The following RSPO2 variants were observed in gnomAD, a reference collection of about 807,000 sequenced individuals.
RSPO2 encodes the protein R-spondin-2.
In RSPO2, 14 loss-of-function variants were observed where a neutral mutation model predicts 30.9. The observed-to-expected ratio is 0.45, with a 90% CI of 0.30 to 0.71. RSPO2 has a LOEUF of 0.71. RSPO2 is among the 30% of genes least tolerant of loss of function. RSPO2 has a pLI of 0.08. For synonymous variants in RSPO2, 107 were observed against 96.4 expected, an observed-to-expected ratio of 1.11 and a Z score of -0.64; for missense variants, 264 against 301.9, an observed-to-expected ratio of 0.87 and a Z score of 0.93.
At chr8:108,062,367 C>A (rs901072667) in intron 2 of RSPO2, among the ~76,000 whole-genome samples, 3 of 151,810 alleles carry the variant, frequency 2.0e-5, no homozygotes, top group Non-Finnish European at 4.4e-5. Flanking sequence ...CACCACCGAT[C>A]CCACAGAAAT....
intron 5 of RSPO2, among the ~76,000 whole-genome samples, chr8:107,934,783 T>C (rs1812661456): frequency 6.6e-6 from 1 of 152,182 alleles, no homozygotes; most frequent in African/African-American, 2.4e-5. Context: ...ATTAATACTT[T>C]TATAATTTCT....
At chr8:108,057,422 T>A (rs552486579) in intron 2 of RSPO2, among the ~76,000 whole-genome samples, 3 of 152,190 alleles carry the variant, frequency 2.0e-5, no homozygotes, top group Admixed American at 6.5e-5. Context: ...CAACAATGAA[T>A]AGATTTTGGG....
intron 2 of RSPO2, among the ~76,000 whole-genome samples, chr8:108,058,100 T>C (rs1250280070): frequency 3.6e-4 from 54 of 150,066 alleles, no homozygotes; most frequent in Admixed American, 3.6e-3. Flanking sequence ...CAGTATGATA[T>C]TGGCTGTGGG....
chr8:107,930,233 C>A (rs977211852), intron 5 of RSPO2, among the ~76,000 whole-genome samples: 2 of 152,102 alleles, frequency 1.3e-5, no homozygotes, highest in African/African-American at 2.4e-5. Context: ...GTCACTTAAT[C>A]GCAAAGTTCA....
At chr8:107,957,286 C>A (rs1454167927) in intron 5 of RSPO2, among the ~76,000 whole-genome samples, 2 of 152,134 alleles carry the variant, frequency 1.3e-5, no homozygotes, top group Non-Finnish European at 2.9e-5. Flanking sequence ...TTTTGCTCTT[C>A]TATTTTGAGC....
intron 2 of RSPO2, among the ~76,000 whole-genome samples, chr8:108,070,791 G>A (rs1379570180): frequency 6.6e-6 from 1 of 152,198 alleles, no homozygotes; most frequent in East Asian, 1.9e-4. Context: ...GATGCTCTCT[G>A]CTGTTGGAAA....
chr8:107,908,250 T>C (rs1811715018), intron 5 of RSPO2, among the ~76,000 whole-genome samples: 1 of 152,102 alleles, frequency 6.6e-6, no homozygotes, highest in African/African-American at 2.4e-5. Context: ...CTTGAAGCAA[T>C]AAGGACTACA....
intron 2 of RSPO2, among the ~76,000 whole-genome samples, chr8:108,022,441 C>T (rs1394480412): frequency 6.6e-6 from 1 of 152,232 alleles, no homozygotes; most frequent in African/African-American, 2.4e-5. Flanking sequence ...AGTCCCCAAA[C>T]ACGTATGAGA....
rs965765144 is a variant in RSPO2, at chr8:108,043,082, G to T, written c.94+39463C>A. Among the ~76,000 whole-genome samples the T allele has an allele frequency of 3.3e-5, 5 of 152,252 alleles. No homozygotes were observed. In the East Asian group the frequency reaches 7.7e-4, roughly 24 times the overall value. On this transcript the variant is annotated intron_variant, in intron 2 of 5. Transcript: ENST00000276659. ...TTGGATGGGGAAGAGGCATTAAATAGCCTCAGATAAAGGCTGTGAAACTGC... is the reference window on the plus strand; with the variant it reads ...TTGGATGGGGAAGAGGCATTAAATATCCTCAGATAAAGGCTGTGAAACTGC...
At chr8:108,008,982 A>T (rs1810599871) in intron 2 of RSPO2, among the ~76,000 whole-genome samples, 1 of 152,124 alleles carries the variant, frequency 6.6e-6, no homozygotes, top group African/African-American at 2.4e-5. Context: ...CTATTGAAAA[A>T]GGTAGAAATT....
At chr8:108,038,123 C>A (rs536445814) in intron 2 of RSPO2, among the ~76,000 whole-genome samples, 2 of 152,272 alleles carry the variant, frequency 1.3e-5, no homozygotes, top group African/African-American at 4.8e-5. Flanking sequence ...CTTCTAGACG[C>A]CATTAAAAAC....
intron 2 of RSPO2, among the ~76,000 whole-genome samples, chr8:107,993,435 C>T (rs1185371767): frequency 6.6e-6 from 1 of 152,114 alleles, no homozygotes; most frequent in Non-Finnish European, 1.5e-5. Flanking sequence ...AATTCACATA[C>T]ATTATGCTGG....
intron 2 of RSPO2, among the ~76,000 whole-genome samples, chr8:108,059,562 T>C (rs113539726): frequency 2.0e-5 from 3 of 150,326 alleles, no homozygotes; most frequent in African/African-American, 7.5e-5. Flanking sequence ...CGTATGTTTA[T>C]TGCGGCACTA....
chr8:108,072,580 C>T (rs371327094), intron 2 of RSPO2, among the ~76,000 whole-genome samples: 18 of 150,156 alleles, frequency 1.2e-4, no homozygotes, highest in African/African-American at 4.4e-4. Context: ...CCTCGTGATC[C>T]GCCCGCCTCG....
chr8:107,937,563 G>A (rs1014188591), intron 5 of RSPO2, among the ~76,000 whole-genome samples: 3 of 151,044 alleles, frequency 2.0e-5, no homozygotes, highest in Non-Finnish European at 2.9e-5. Context: ...ACACTGCTTT[G>A]CTGCCCTTGC....
intron 2 of RSPO2, among the ~76,000 whole-genome samples, chr8:107,998,285 G>A (rs535668448): frequency 1.6e-4 from 25 of 151,980 alleles, no homozygotes; most frequent in South Asian, 6.2e-4. Flanking sequence ...CTTGCATGTC[G>A]GATGCTATAG....
At chr8:108,073,561 C>A (rs961985422) in intron 2 of RSPO2, among the ~76,000 whole-genome samples, 11 of 152,194 alleles carry the variant, frequency 7.2e-5, no homozygotes, top group Non-Finnish European at 4.4e-5. Context: ...CAGATCAATG[C>A]CAGCACCACA....
intron 2 of RSPO2, among the ~76,000 whole-genome samples, chr8:108,050,542 T>C (rs757086528): frequency 1.6e-4 from 24 of 152,298 alleles, no homozygotes; most frequent in Admixed American, 7.8e-4. Context: ...TATTCTATGT[T>C]CCTGGTTATT....
chr8:107,968,288 T>C (rs142522472), intron 3 of RSPO2, among the ~76,000 whole-genome samples: 3 of 152,282 alleles, frequency 2.0e-5, no homozygotes, highest in African/African-American at 7.2e-5. Context: ...TGAAATCCTG[T>C]CATTTCCAGT....
Sources: allele counts gnomAD v4.1 joint callset (sites outside exome capture counted in the v4.1 genomes callset), GRCh38; gene constraint gnomAD v4.1.1; transcripts MANE v1.5; gene names NCBI Gene and HGNC (gene_info 2026-07-23, HGNC 2026-07-21).